PDE2A: variants seen among roughly 807,000 people sequenced by gnomAD.
PDE2A encodes phosphodiesterase 2A, also known as cGMP-dependent 3',5'-cyclic phosphodiesterase.
In PDE2A, 53 loss-of-function variants were observed where a neutral mutation model predicts 133.6. The ratio of observed to expected loss-of-function variants is 0.40; its 90% CI spans 0.32 to 0.50. The LOEUF (loss-of-function observed/expected upper bound fraction) is 0.50, where lower values mean the gene tolerates loss of function less well. Ranked by LOEUF, PDE2A falls within the 20% of genes least tolerant of loss-of-function variation. PDE2A has a pLI of 0.73. For missense variants in PDE2A, 796 were observed against 1,232.4 expected (o/e 0.65, Z 5.30); for synonymous variants, 491 against 490.2 (o/e 1.00, Z -0.02).
chr11:72,602,466 C>A (rs1856798157), intron 4 of PDE2A, among the ~76,000 whole-genome samples: 2 of 152,192 alleles, frequency 1.3e-5, no homozygotes, highest in South Asian at 4.1e-4. Context: ...CCTCCCCACA[C>A]CCCCACCTCC....
Position 72,674,085 on chromosome 11 carries a change from T to A in PDE2A, c.71+52A>T. ...CCTTGGAGGGACTCCCAGGACCCTG[T>A]CTGTGGCACCTCTCACAGCCGCTCA... On this transcript the variant is annotated intron_variant, in intron 1 of 30. Transcript: ENST00000334456. The A allele has an allele frequency of 1.9e-6, 3 of 1,569,436 alleles. No homozygotes were observed. The South Asian group carries it at 3.4e-5, about 18-fold the overall frequency.
chr11:72,592,887 C>T (rs971567200), intron 6 of PDE2A, among the ~76,000 whole-genome samples: 12 of 151,252 alleles, frequency 7.9e-5, no homozygotes, highest in African/African-American at 1.9e-4. Context: ...ACAGCGGGGG[C>T]GGGAGGGAGG....
rs142080741 is a variant in PDE2A at position 72,662,555 on chromosome 11, T to C, written c.71+11582A>G. On this transcript the variant is annotated intron_variant, in intron 1 of 30. Transcript: ENST00000334456. ...GGCCATTGTCTGAGGGGGTGGCTTA[T>C]GGGTGCCATGGATGAGTGCTCCAGA... 4.6e-5 allele frequency among the ~76,000 whole-genome samples: 7 copies of C among 152,256 alleles called. No homozygotes were observed. In the East Asian group the frequency reaches 1.3e-3, roughly 29 times the overall value.
intron 15 of PDE2A, 25 bp downstream of exon 15, chr11:72,585,529 C>T (rs758135035): frequency 2.4e-5 from 38 of 1,613,786 alleles, no homozygotes; most frequent in Admixed American, 3.3e-5. Flanking sequence ...CACACACAGC[C>T]AGGCAGAGAG....
rs779105175 is a variant in PDE2A, at chr11:72,578,316, C to T, written c.2532G>A (p.Pro844=). ...CCTTCTCCCGGTCCATCATCTCCAT[C>T]GGCCTGTTGCCCATGGCCTTCTCCT... ...GDLEKAMGNR[P]MEMMDREKAY... is the part of the protein sequence containing the mutation. Residue 844 remains proline (P), a synonymous_variant, in exon 30 of 31, where the codon CCG becomes CCA. Transcript: ENST00000334456. This position sits in a 1 kb window ranked among gnomAD's most constrained non-coding sequence, Gnocchi z 4.2. 22 of 1,613,438 alleles carry T rather than the reference C, an allele frequency of 1.4e-5. No homozygotes were observed. The Admixed American group carries it at 2.5e-4, about 18-fold the overall frequency.
intron 2 of PDE2A, among the ~76,000 whole-genome samples, chr11:72,617,482 C>T (rs1335773309): frequency 6.6e-6 from 1 of 152,216 alleles, no homozygotes; most frequent in Non-Finnish European, 1.5e-5. Flanking sequence ...CTCTCTGTGC[C>T]TGGCCACCTC....
Position 72,608,908 on chromosome 11 carries a change from T to A in PDE2A, c.145-157A>T, listed in dbSNP as rs184145669. Among the ~76,000 whole-genome samples the A allele has an allele frequency of 3.5e-4, 53 of 152,128 alleles. No homozygotes were observed. In the East Asian group the frequency reaches 9.3e-3, roughly 27 times the overall value. The stretch of plus-strand genomic sequence containing the variant: ...ATCTTAGGATCTCAAAATCAAACAG[T>A]CTTAAGGCCACAGAATGTCCAAGTA... On this transcript the variant is annotated intron_variant, in intron 2 of 30. Coordinates refer to ENST00000334456, the MANE Select transcript of PDE2A (RefSeq NM_002599.5).
At chr11:72,625,992 A>C (rs676845) in intron 2 of PDE2A, among the ~76,000 whole-genome samples, 91,258 of 152,212 alleles carry the variant, frequency 0.6, 28,341 homozygotes, top group Middle Eastern at 0.77. Flanking sequence ...CCGGGGCCGC[A>C]GCATCTGGCC....
Position 72,577,324 on chromosome 11 carries a change from G to A in PDE2A, c.*60C>T. On this transcript the variant is annotated 3_prime_UTR_variant, in exon 31 of 31. Coordinates refer to ENST00000334456, the MANE Select transcript of PDE2A (RefSeq NM_002599.5). ...CCGTGGCTCTGTTCCCAGTGCATCT[G>A]GCCAGACCAGTGGAGGGCTGTGGGA... 7.4e-7 allele frequency: 1 copy of A among 1,355,136 alleles called. No homozygotes were observed. The highest frequency in any genetic ancestry group is 1.0e-6 in the Non-Finnish European group (1 of 963,266). 83.9% of individuals were successfully genotyped at this position (1,355,136 alleles called of 1,614,324 possible).
chr11:72,643,252 G>C (rs991520007), intron 1 of PDE2A: 1 of 152,252 alleles, frequency 6.6e-6, no homozygotes, highest in East Asian at 1.9e-4. Flanking sequence ...CCGGCTGCCC[G>C]GAGGGGCCGC....
chr11:72,640,644 C>T (rs143294206), intron 2 of PDE2A, among the ~76,000 whole-genome samples: 3 of 152,302 alleles, frequency 2.0e-5, no homozygotes, highest in Admixed American at 6.5e-5. Context: ...TTGGCACACA[C>T]GGCACCCCCT....
At chr11:72,651,053 C>T (rs1044671149) in intron 1 of PDE2A, among the ~76,000 whole-genome samples, 2 of 152,112 alleles carry the variant, frequency 1.3e-5, no homozygotes, top group African/African-American at 2.4e-5. Flanking sequence ...ACAGGGAGGC[C>T]CCAGTCTATG....
At chr11:72,596,526 G>T in intron 6 of PDE2A, 67 bp downstream of exon 6, 1 of 637,512 alleles carries the variant, frequency 1.6e-6, no homozygotes, top group Non-Finnish European at 2.4e-6. Context: ...ACCCTGGACA[G>T]GCTCCATCCA....
rs771269725 is a variant in PDE2A at position 72,591,342 on chromosome 11, C to G, written c.504G>C (p.Gln168His). ...VAAVILVHCG[Q>H]LSDNEEWSLQ... ...GGCTCCATTCCTCATTATCACTCAG[C>G]TGGCCACAGTGCACCTGGAGGGATG... Residue 168 changes from glutamine to histidine, a missense_variant, in exon 7 of 31, where the codon CAG becomes CAC. Gln to His is a conservative substitution (Grantham distance 24). Transcript: ENST00000334456. 3 of 1,613,724 alleles carry G rather than the reference C, an allele frequency of 1.9e-6. No individual in the cohort carries two copies. The highest frequency in any genetic ancestry group is 1.6e-4 in the Middle Eastern group (1 of 6,080).
intron 13 of PDE2A, among the ~76,000 whole-genome samples, chr11:72,586,753 G>A (rs981598966): frequency 6.6e-6 from 1 of 152,216 alleles, no homozygotes; most frequent in Non-Finnish European, 1.5e-5. Context: ...GCTGCATGGG[G>A]CTGGGTGGAC....
At chr11:72,668,877 T>C (rs1855317479) in intron 1 of PDE2A, 1 of 1,019,228 alleles carries the variant, frequency 9.8e-7, no homozygotes, top group African/African-American at 1.7e-5. Flanking sequence ...CACAGCTCTG[T>C]TTCAGGCCTC....
At chr11:72,631,419 A>C (rs1394452846) in intron 2 of PDE2A, among the ~76,000 whole-genome samples, 7 of 150,248 alleles carry the variant, frequency 4.7e-5, no homozygotes, top group Admixed American at 4.6e-4. Flanking sequence ...CCACCTCTTT[A>C]CTCTTTCTGA....
Position 72,605,138 on chromosome 11 carries a change from C to T in PDE2A, c.323G>A (p.Arg108Gln). The stretch of plus-strand genomic sequence containing the variant: ...AATGGGGGTGCAGAGAATGGCTCAC[C>T]GGACTTTCCCCTCCTGGGGCAGCTC... ...PHELPQEGKV[R>Q]EAIISQKRLG... is the part of the protein sequence containing the mutation. The change falls in exon 4 of 31, where the codon CGG becomes CAG. Residue 108 changes from arginine (R) to glutamine (Q), a missense_variant and splice_region_variant. Arg to Gln is a conservative substitution (Grantham distance 43, BLOSUM62 1). Transcript: ENST00000334456. The T allele has an allele frequency of 6.2e-7, 1 of 1,602,100 alleles. No homozygotes were observed. The highest frequency in any genetic ancestry group is 8.5e-7 in the Non-Finnish European group (1 of 1,171,402).
chr11:72,640,531 T>C (rs542601056), intron 2 of PDE2A, among the ~76,000 whole-genome samples: 1 of 151,978 alleles, frequency 6.6e-6, no homozygotes, highest in Admixed American at 6.6e-5. Context: ...CACAGACACA[T>C]GACATTCAAA....
Sources: gnomAD v4.1 joint callset for allele counts (sites outside exome capture counted in the v4.1 genomes callset) on GRCh38, gnomAD v4.1.1 for gene constraint, Gnocchi (gnomAD v3.1) non-coding constraint, MANE v1.5 for transcripts, NCBI Gene and HGNC (gene_info 2026-07-23, HGNC 2026-07-21) for gene names.